ZNF75D: variants seen among roughly 807,000 people sequenced by gnomAD.
ZNF75D encodes the protein zinc finger protein 75.
Under a neutral mutation model 33.3 loss-of-function variants are expected in ZNF75D, and 33 were observed. The observed-to-expected ratio is 0.99, with a 90% confidence interval of 0.75 to 1.32. The LOEUF (loss-of-function observed/expected upper bound fraction) is 1.32. ZNF75D is among the 40% of genes most tolerant of loss of function. ZNF75D has a pLI of 0.00. For synonymous variants in ZNF75D, 113 were observed against 130.6 expected, an observed-to-expected ratio of 0.87 and a Z score of 0.92; for missense variants, 338 against 367.5, an observed-to-expected ratio of 0.92 and a Z score of 0.66.
chrX:135,331,830 T>G (rs1016990416), intron 1 of ZNF75D, among the ~76,000 whole-genome samples: 16 of 111,518 alleles, frequency 1.4e-4, no homozygotes, highest in African/African-American at 5.2e-4. Context: ...GGTAGAAAAT[T>G]TAACCCTTCC....
chrX:135,292,704 C>G (rs1300569398), intron 3 of ZNF75D, among the ~76,000 whole-genome samples: 1 of 112,464 alleles, frequency 8.9e-6, no homozygotes, highest in Non-Finnish European at 1.9e-5. Flanking sequence ...TCCCCGCCCC[C>G]CAACCCAGTG....
intron 1 of ZNF75D, among the ~76,000 whole-genome samples, chrX:135,328,596 G>A (rs189698695): frequency 2.4e-4 from 27 of 111,724 alleles, no homozygotes. Context: ...AGGAGGGTGA[G>A]TAATGTTCGT....
intron 1 of ZNF75D, among the ~76,000 whole-genome samples, chrX:135,263,849 T>C (rs1185667082): frequency 1.8e-5 from 2 of 112,409 alleles, no homozygotes; most frequent in Admixed American, 9.4e-5. Flanking sequence ...CCCAGTGAGA[T>C]GAAACAGGTA....
chrX:135,300,730 G>A (rs1556424432), intron 1 of ZNF75D, among the ~76,000 whole-genome samples: 1 of 85,826 alleles, frequency 1.2e-5, no homozygotes, highest in Non-Finnish European at 2.2e-5. Context: ...CTGGGCGACA[G>A]AGTGAGACTC....
chrX:135,275,106 GA>G (rs1261046486), intron 1 of ZNF75D, among the ~76,000 whole-genome samples: 10 of 112,494 alleles, frequency 8.9e-5, no homozygotes, highest in Non-Finnish European at 1.7e-4. Flanking sequence ...TAAATAGGGG[GA>G]AAAGATGTAG....
chrX:135,298,749 C>T (rs1312753322), intron 1 of ZNF75D, among the ~76,000 whole-genome samples: 1 of 111,324 alleles, frequency 9.0e-6, no homozygotes, highest in Non-Finnish European at 1.9e-5. Context: ...AATATTGAAC[C>T]ATGCAGCTTT....
rs1602594808 is a variant in ZNF75D at position 135,285,797 on chromosome X, G to A, written c.*1340C>T. 1 of 111,791 alleles carries A rather than the reference G, an allele frequency of 8.9e-6. No individual in the cohort carries two copies. Among genetic ancestry groups the A allele is most frequent in the South Asian group, 3.8e-4 (1 of 2,658 alleles). The allele number at this position is 111,791 out of a possible 1,213,427, so 9.2% of individuals were successfully genotyped here. ...AACATTGGCCATTTCTGAGTGATTT[G>A]GTAACAAAGTTTTGTTTATTGTCTA... On this transcript the variant is annotated 3_prime_UTR_variant, in exon 7 of 7. Coordinates refer to ENST00000370766, the MANE Select transcript of ZNF75D (RefSeq NM_007131.5).
chrX:135,294,898 G>A (rs1317587966), intron 2 of ZNF75D, among the ~76,000 whole-genome samples: 7 of 111,902 alleles, frequency 6.3e-5, no homozygotes, highest in Non-Finnish European at 3.8e-5. Context: ...GTGGCAGGGT[G>A]TAGTACTTCT....
chrX:135,258,874 C>G (rs1294677442), intron 1 of ZNF75D, among the ~76,000 whole-genome samples: 2 of 112,109 alleles, frequency 1.8e-5, no homozygotes, highest in Non-Finnish European at 3.8e-5. Flanking sequence ...TTGCCCATGC[C>G]TATGTCCTGA....
chrX:135,256,883 C>G (rs1193530199), intron 1 of ZNF75D, among the ~76,000 whole-genome samples: 1 of 111,959 alleles, frequency 8.9e-6, no homozygotes, highest in Non-Finnish European at 1.9e-5. Context: ...TTGTAAGGCT[C>G]CTTTTCCAGG....
At chrX:135,337,953 C>G (rs1396462478) in intron 1 of ZNF75D, among the ~76,000 whole-genome samples, 3 of 110,134 alleles carry the variant, frequency 2.7e-5, no homozygotes, top group Admixed American at 9.7e-5. Context: ...AAAGATGATG[C>G]AATTTGAGGA....
rs1388947977 is a variant in ZNF75D at position 135,342,585 on chromosome X, T to TCCA, written c.-1211_-1209dup. The stretch of plus-strand genomic sequence containing the variant: ...GGTCTTCGGTTCCTCCCCCACATTC[T>TCCA]CCAGCTGCTCCTGTTCCTCTCAATT... On this transcript the variant is annotated 5_prime_UTR_variant, in exon 1 of 7. Coordinates refer to ENST00000370766, the MANE Select transcript of ZNF75D (RefSeq NM_007131.5). 8.9e-6 allele frequency: 1 copy of TCCA among 112,169 alleles called. No individual in the cohort carries two copies. The highest frequency in any genetic ancestry group is 3.3e-5 in the African/African-American group (1 of 30,583). The allele number at this position is 112,169 out of a possible 1,213,427, so 9.2% of individuals were successfully genotyped here. A position where few individuals can be genotyped will look rare whatever the true frequency, so the allele number is the denominator to read the frequency against.
Sources: gnomAD v4.1 joint callset for allele counts (sites outside exome capture counted in the v4.1 genomes callset) on GRCh38, gnomAD v4.1.1 for gene constraint, MANE v1.5 for transcripts, NCBI Gene and HGNC (gene_info 2026-07-23, HGNC 2026-07-21) for gene names.